CTNND1: variants seen among roughly 807,000 people sequenced by gnomAD.
CTNND1 encodes the protein catenin delta-1.
CTNND1 carries 16 observed loss-of-function variants against 112.1 expected under a neutral mutation model. That is an observed-to-expected ratio of 0.14 (90% CI 0.10 to 0.22). The LOEUF (loss-of-function observed/expected upper bound fraction) is 0.22. CTNND1 is among the 10% of genes least tolerant of loss of function. The probability of loss-of-function intolerance (pLI) is 1.00; values close to 1 mark genes in which losing one functional copy is unlikely to be tolerated. For synonymous variants in CTNND1, 420 were observed against 446.5 expected (o/e 0.94, Z 0.75); for missense variants, 1,008 against 1,257.0 (o/e 0.80, Z 3.00).
intron 1 of CTNND1, among the ~76,000 whole-genome samples, chr11:57,787,244 C>A (rs1286944627): frequency 6.6e-6 from 1 of 152,180 alleles, no homozygotes; most frequent in Non-Finnish European, 1.5e-5. Flanking sequence ...CTTCCAGGCA[C>A]TAGAGAAGTG....
rs2063988214 is a variant in CTNND1 at position 57,816,278 on chromosome 11, TTC to T, written c.2896-15_2896-14del. On this transcript the variant is annotated splice_polypyrimidine_tract_variant and intron_variant, in intron 20 of 20. Transcript: ENST00000399050. The stretch of plus-strand genomic sequence containing the variant: ...TCCCAACCCCATTAACATTCTCTCT[TTC>T]TCTTTTTTCTCCACAGCAGAAGATT... 2.5e-6 allele frequency: 4 copies of T among 1,613,636 alleles called. No individual in the cohort carries two copies. In the Middle Eastern group the frequency reaches 5.0e-4, roughly 200 times the overall value.
chr11:57,796,974 ACC>A lies in CTNND1; in HGVS notation c.940_941del (p.Pro314SerfsTer8). The A allele has an allele frequency of 6.8e-7, 1 of 1,479,454 alleles. No homozygotes were observed. The allele number at this position is 1,479,454 out of a possible 1,614,324, so 91.6% of individuals were successfully genotyped here. ...GCCCGTCGGACTGGGACACCCTCTG[ACC>A]CTCGTCGGCGCCTCAGGTAGGCAAG... On this transcript the variant is annotated frameshift_variant, in exon 6 of 21. Transcript: ENST00000399050. LOFTEE classifies it high-confidence loss of function.
In CTNND1 at chr11:57,816,468, C is replaced by T. The variant is rs557830271; in HGVS notation, c.*160C>T. 3.9e-6 allele frequency: 3 copies of T among 771,476 alleles called. No individual in the cohort carries two copies. The highest frequency in any genetic ancestry group is 1.6e-5 in the South Asian group (1 of 61,990). The allele number at this position is 771,476 out of a possible 1,614,324, so 47.8% of individuals were successfully genotyped here. On this transcript the variant is annotated 3_prime_UTR_variant, in exon 21 of 21. Coordinates refer to ENST00000399050, the MANE Select transcript of CTNND1 (RefSeq NM_001085458.2). ...GTGGCTGCCTTCTTTCCATCAACTC[C>T]CAACTTCTTCCTGTGAAGTTTAATT...
chr11:57,818,690 A>G lies in CTNND1; in HGVS notation c.*2382A>G, dbSNP rs1263093367. 1 of 152,224 alleles carries G rather than the reference A, an allele frequency of 6.6e-6. No homozygotes were observed. Among genetic ancestry groups the G allele is most frequent in the Non-Finnish European group, 1.5e-5 (1 of 68,038 alleles). 9.4% of individuals were successfully genotyped at this position (152,224 alleles called of 1,614,324 possible). The stretch of plus-strand genomic sequence containing the variant: ...TGGCTGAAGTTGAACATGGGAGCTT[A>G]TTGCTAATTTAGAGATAGGAAACTG... On this transcript the variant is annotated 3_prime_UTR_variant, in exon 21 of 21. Coordinates refer to ENST00000399050, the MANE Select transcript of CTNND1 (RefSeq NM_001085458.2).
intron 8 of CTNND1, 63 bp from the exon 9 acceptor site, chr11:57,804,600 G>C: frequency 1.6e-6 from 2 of 1,219,790 alleles, no homozygotes; most frequent in Non-Finnish European, 2.4e-6. Context: ...TGTAGGTGTT[G>C]AGGGATATTT....
chr11:57,810,988 T>C lies in CTNND1; in HGVS notation c.2551-411T>C, dbSNP rs1235994760. On this transcript the variant is annotated intron_variant, in intron 16 of 20. Transcript: ENST00000399050. ...AAAAGAAAAAAAAAAAGATTTGGTT[T>C]ACTCCTCAAAAGGATGATGTGTCTA... 2.6e-5 allele frequency among the ~76,000 whole-genome samples: 4 copies of C among 152,134 alleles called. No homozygotes were observed. In the East Asian group the frequency reaches 7.8e-4, roughly 30 times the overall value.
intron 12 of CTNND1, among the ~76,000 whole-genome samples, chr11:57,807,503 G>A (rs1450985421): frequency 6.6e-6 from 1 of 151,286 alleles, no homozygotes; most frequent in Non-Finnish European, 1.5e-5. Flanking sequence ...CTACTCTGGA[G>A]GCTGAGGCAG....
intron 1 of CTNND1, among the ~76,000 whole-genome samples, chr11:57,779,409 T>C (rs2059341590): frequency 6.6e-6 from 1 of 152,234 alleles, no homozygotes; most frequent in African/African-American, 2.4e-5. Context: ...GTGTTTTCCC[T>C]GCCTTCCATT....
chr11:57,776,700 TAA>T (rs984517826), intron 1 of CTNND1, among the ~76,000 whole-genome samples: 1 of 152,228 alleles, frequency 6.6e-6, no homozygotes, highest in Non-Finnish European at 1.5e-5. Flanking sequence ...CTGGTGAAGT[TAA>T]GTTGAATTGT....
At chr11:57,771,531 C>A (rs1370249121) in intron 1 of CTNND1, among the ~76,000 whole-genome samples, 1 of 151,952 alleles carries the variant, frequency 6.6e-6, no homozygotes, top group Non-Finnish European at 1.5e-5. Context: ...TGCAAAGGCC[C>A]TGAGGCTGGT....
intron 11 of CTNND1, 144 bp downstream of exon 11, chr11:57,806,622 C>G: frequency 1.3e-6 from 1 of 757,058 alleles, no homozygotes; most frequent in South Asian, 1.7e-5. Flanking sequence ...AAGTTTAGCT[C>G]TTTGGAGCTA....
In CTNND1 at chr11:57,811,479, A is replaced by G. The variant is rs372087192; in HGVS notation, c.2631A>G (p.Gln877=). ...DSTLPLIDRN[Q]KSDKKPDREE... Reference sequence around the variant, plus strand: ...CTCTCCCTCTCATTGACCGGAACCAAAAATCAGGTGCAGTATCCAGAAGGC... The same window carrying G: ...CTCTCCCTCTCATTGACCGGAACCAGAAATCAGGTGCAGTATCCAGAAGGC... Residue 877 remains glutamine (Q), a synonymous_variant, in exon 17 of 21, where the codon CAA becomes CAG. Transcript: ENST00000399050. 136 of 1,611,852 alleles carry G rather than the reference A, an allele frequency of 8.4e-5. 1 individual carries two copies. In the Middle Eastern group the frequency reaches 1.2e-3, roughly 14 times the overall value.
At chr11:57,809,584 T>A in intron 15 of CTNND1, 118 bp downstream of exon 15, 5 of 811,572 alleles carry the variant, frequency 6.2e-6, no homozygotes, top group Non-Finnish European at 9.7e-6. Flanking sequence ...TGTGAAGAGC[T>A]ATTGCTCTAT....
intron 18 of CTNND1, 67 bp downstream of exon 18, chr11:57,814,440 T>TCTC: frequency 4.0e-6 from 5 of 1,264,072 alleles, no homozygotes; most frequent in Non-Finnish European, 4.5e-6. Context: ...GCTGTCTAGC[T>TCTC]CTATAGTTTT....
At chr11:57,785,809 A>C (rs917883455) in intron 1 of CTNND1, among the ~76,000 whole-genome samples, 2 of 151,814 alleles carry the variant, frequency 1.3e-5, no homozygotes, top group African/African-American at 4.8e-5. Flanking sequence ...GGCCTCCCAA[A>C]GTGCTGGGAT....
chr11:57,783,089 C>T (rs991500735), intron 1 of CTNND1, among the ~76,000 whole-genome samples: 20 of 151,580 alleles, frequency 1.3e-4, no homozygotes, highest in Non-Finnish European at 2.6e-4. Context: ...AGTTCAAGAC[C>T]AGCCTGGCCA....
chr11:57,778,897 TGGGTCTCGGA>T (rs1275443576), intron 1 of CTNND1, among the ~76,000 whole-genome samples: 1 of 152,170 alleles, frequency 6.6e-6, no homozygotes, highest in Non-Finnish European at 1.5e-5. Context: ...GTGTGTCTAA[TGGGTCTCGGA>T]GCATCTAGCT....
chr11:57,796,519 C>G lies in CTNND1; in HGVS notation c.483C>G (p.Asp161Glu), dbSNP rs10896644. 6.2e-7 allele frequency: 1 copy of G among 1,613,664 alleles called. No individual in the cohort carries two copies. The highest frequency in any genetic ancestry group is 8.5e-7 in the Non-Finnish European group (1 of 1,179,786). Residue 161 changes from aspartate (D) to glutamate (E), a missense_variant, in exon 6 of 21, where the codon GAC becomes GAG. Coordinates refer to ENST00000399050, the MANE Select transcript of CTNND1 (RefSeq NM_001085458.2). Reference protein sequence around the residue: ...RTVQPVAMGPDGLPVDASSVS... With the variant: ...RTVQPVAMGPEGLPVDASSVS... ...TACAGCCAGTCGCTATGGGACCAGACGGGTTGCCTGTGGATGCTTCATCAG... is the reference window on the plus strand; with the variant it reads ...TACAGCCAGTCGCTATGGGACCAGAGGGGTTGCCTGTGGATGCTTCATCAG...
intron 11 of CTNND1, 29 bp downstream of exon 11, chr11:57,806,507 T>C (rs1200484378): frequency 5.7e-6 from 9 of 1,579,844 alleles, no homozygotes; most frequent in Non-Finnish European, 6.9e-6. Flanking sequence ...GGTGCTTATC[T>C]ACTTCTAATT....
Sources: allele counts gnomAD v4.1 joint callset (sites outside exome capture counted in the v4.1 genomes callset), GRCh38; gene constraint gnomAD v4.1.1; transcripts MANE v1.5; gene names NCBI Gene and HGNC (gene_info 2026-07-23, HGNC 2026-07-21).